The following CDH18 variants were observed in gnomAD, a reference collection of about 807,000 sequenced individuals.
CDH18 encodes the protein cadherin-18.
A neutral mutation model predicts 67.9 loss-of-function variants in CDH18; 31 were observed. That is an observed-to-expected ratio of 0.46 (90% CI 0.34 to 0.62). The LOEUF (loss-of-function observed/expected upper bound fraction) is 0.62, where lower values mean the gene tolerates loss of function less well. Ranked by LOEUF, CDH18 falls within the 20% of genes least tolerant of loss-of-function variation. CDH18 has a pLI of 0.01. For missense variants in CDH18, 890 were observed against 975.5 expected (o/e 0.91, Z 1.17); for synonymous variants, 362 against 347.2 (o/e 1.04, Z -0.48).
Position 19,577,759 on chromosome 5 carries a change from T to C in CDH18, c.1000-5927A>G, listed in dbSNP as rs76127100. On this transcript the variant is annotated intron_variant, in intron 7 of 12. Transcript: ENST00000382275. ...TGTACACATGGGAAGGACATGGCTTTCGTGGAGACAGGCTATAGAGGCCTG... is the reference window on the plus strand; with the variant it reads ...TGTACACATGGGAAGGACATGGCTTCCGTGGAGACAGGCTATAGAGGCCTG... 7.2e-3 allele frequency among the ~76,000 whole-genome samples: 1,103 copies of C among 152,334 alleles called. 15 individuals carry two copies. The highest frequency in any genetic ancestry group is 0.026 in the African/African-American group (1,064 of 41,570).
chr5:19,705,823 C>A (rs963127297), intron 5 of CDH18, among the ~76,000 whole-genome samples: 3 of 152,168 alleles, frequency 2.0e-5, no homozygotes, highest in Non-Finnish European at 4.4e-5. Context: ...TCTTACTTGG[C>A]AAACCCATTT....
At chr5:19,787,312 C>T (rs142573542) in intron 3 of CDH18, among the ~76,000 whole-genome samples, 8,370 of 151,860 alleles carry the variant, frequency 0.055, 540 homozygotes, top group African/African-American at 0.16. Context: ...ATTAGCCGGG[C>T]GTGGTGGTGC....
At chr5:20,004,062 T>A (rs1736683341) in intron 2 of CDH18, among the ~76,000 whole-genome samples, 1 of 152,256 alleles carries the variant, frequency 6.6e-6, no homozygotes, top group Admixed American at 6.5e-5. Context: ...ACGTGTGCTC[T>A]TATCTGAAGC....
chr5:19,841,448 A>C (rs1376487908), intron 2 of CDH18, among the ~76,000 whole-genome samples: 1 of 151,944 alleles, frequency 6.6e-6, no homozygotes, highest in African/African-American at 2.4e-5. Flanking sequence ...CTCATTTATT[A>C]AAATTTGTGA....
rs72745062 is a variant in CDH18, at chr5:20,366,421, G to A, written c.-579-110916C>T. Among the ~76,000 whole-genome samples, 943 of 151,872 alleles carry A rather than the reference G, an allele frequency of 6.2e-3. 14 individuals carry two copies. The highest frequency in any genetic ancestry group is 0.023 in the South Asian group (112 of 4,810). Reference sequence around the variant, plus strand: ...CCTTTTCTAATTCACATTAACTATTGCGATAACTTTTTAACCAATTTCTCC... The same window carrying A: ...CCTTTTCTAATTCACATTAACTATTACGATAACTTTTTAACCAATTTCTCC... On this transcript the variant is annotated intron_variant, in intron 1 of 14. Coordinates refer to the CDH18 transcript ENST00000507958.
chr5:19,516,111 T>C (rs1745950529), intron 10 of CDH18, among the ~76,000 whole-genome samples: 1 of 152,186 alleles, frequency 6.6e-6, no homozygotes, highest in Admixed American at 6.5e-5. Context: ...GATAATTATG[T>C]GGTTTTTGTC....
chr5:20,227,223 T>C (rs1034999796), intron 2 of CDH18, among the ~76,000 whole-genome samples: 1 of 152,126 alleles, frequency 6.6e-6, no homozygotes, highest in African/African-American at 2.4e-5. Context: ...TTATAATTGA[T>C]AAAAATCACA....
At chr5:19,985,393 T>C (rs1457446152) in intron 1 of CDH18, among the ~76,000 whole-genome samples, 1 of 152,076 alleles carries the variant, frequency 6.6e-6, no homozygotes, top group Non-Finnish European at 1.5e-5. Context: ...GTTCTCAAAA[T>C]TGCATTGAGA....
chr5:20,357,153 T>C (rs570156144), intron 1 of CDH18, among the ~76,000 whole-genome samples: 37 of 152,112 alleles, frequency 2.4e-4, no homozygotes, highest in Admixed American at 1.5e-3. Flanking sequence ...CATACATTTA[T>C]ATAAAAATGA....
At chr5:19,744,022 A>G (rs749925051) in intron 4 of CDH18, among the ~76,000 whole-genome samples, 2 of 151,706 alleles carry the variant, frequency 1.3e-5, no homozygotes, top group Non-Finnish European at 2.9e-5. Flanking sequence ...CCACTTTCAT[A>G]TCATCCTCTA....
chr5:20,126,935 A>G (rs938439586), intron 2 of CDH18, among the ~76,000 whole-genome samples: 1 of 152,208 alleles, frequency 6.6e-6, no homozygotes, highest in Non-Finnish European at 1.5e-5. Flanking sequence ...CATAAAATCT[A>G]GTAATTTCAC....
chr5:19,874,220 A>G (rs559530855), intron 2 of CDH18, among the ~76,000 whole-genome samples: 1 of 151,894 alleles, frequency 6.6e-6, no homozygotes, highest in African/African-American at 2.4e-5. Context: ...TTTGGCATTG[A>G]CCTCTCTGAC....
chr5:19,967,904 CCT>C (rs1401903765), intron 2 of CDH18, among the ~76,000 whole-genome samples: 2 of 151,980 alleles, frequency 1.3e-5, no homozygotes, highest in African/African-American at 4.8e-5. Context: ...TCAAATTGTC[CCT>C]GTCTGCAGAT....
chr5:19,501,579 C>A (rs969003182), intron 11 of CDH18, among the ~76,000 whole-genome samples: 28 of 150,310 alleles, frequency 1.9e-4, no homozygotes, highest in African/African-American at 6.8e-4. Context: ...TTCTAAAATA[C>A]ATTCAGAGTT....
At chr5:19,994,738 TAGAGAGAGAGAGAGAGAGAGAG>T (rs869278538) in intron 2 of CDH18, among the ~76,000 whole-genome samples, 178 of 13,530 alleles carry the variant, frequency 0.013, 4 homozygotes, top group South Asian at 0.019. Flanking sequence ...TATATATATA[TAGAGAGAGAGAGAGAGAGAGAG>T]AGAGAGAGAG....
At position 20,555,408 on chromosome 5, in the gene CDH18, C is replaced by CTTTTTTTTTTTTTT. The variant is rs774396694; in HGVS notation, c.-580+20040_-580+20053dup. Among the ~76,000 whole-genome samples, 81 of 103,644 alleles carry CTTTTTTTTTTTTTT rather than the reference C, an allele frequency of 7.8e-4. 1 individual carries two copies. Among genetic ancestry groups the CTTTTTTTTTTTTTT allele is most frequent in the African/African-American group, 1.3e-3 (31 of 24,364 alleles). The allele number at this position is 103,644 out of a possible 152,430, so 68.0% of individuals were successfully genotyped here. A position where few individuals can be genotyped will look rare whatever the true frequency, so the allele number is the denominator to read the frequency against. On this transcript the variant is annotated intron_variant, in intron 1 of 14. Transcript: ENST00000507958. ...GCCAGAACCACCAAGACAAGCTTTT[C>CTTTTTTTTTTTTTT]TTTTTTTTTTTTTTTTTTTTTTTTT... is the stretch of plus-strand genomic sequence containing the variant.
chr5:20,336,240 T>C (rs937989003), intron 1 of CDH18, among the ~76,000 whole-genome samples: 1 of 151,984 alleles, frequency 6.6e-6, no homozygotes, highest in African/African-American at 2.4e-5. Flanking sequence ...CATCTCCCCT[T>C]TTCCCCCAAC....
intron 1 of CDH18, among the ~76,000 whole-genome samples, chr5:20,555,814 T>A (rs1317002455): frequency 6.6e-6 from 1 of 151,998 alleles, no homozygotes; most frequent in Non-Finnish European, 1.5e-5. Flanking sequence ...TTCTTTCTCA[T>A]CCTATTTTAC....
chr5:20,453,983 A>G (rs1316104601), intron 1 of CDH18, among the ~76,000 whole-genome samples: 1 of 152,156 alleles, frequency 6.6e-6, no homozygotes, highest in Non-Finnish European at 1.5e-5. Context: ...AAGTCAGACT[A>G]CTGTTATGGA....
Sources: gnomAD v4.1 joint callset for allele counts (sites outside exome capture counted in the v4.1 genomes callset) on GRCh38, gnomAD v4.1.1 for gene constraint, MANE v1.5 for transcripts, NCBI Gene and HGNC (gene_info 2026-07-23, HGNC 2026-07-21) for gene names.